Variants in KCNH5 observed in about 807,000 individuals in gnomAD.
The protein encoded by KCNH5 is voltage-gated delayed rectifier potassium channel KCNH5.
A neutral mutation model predicts 96.1 loss-of-function variants in KCNH5; 46 were observed. The ratio of observed to expected loss-of-function variants is 0.48; its 90% confidence interval spans 0.38 to 0.61. The LOEUF is 0.61. KCNH5 is among the 20% of genes least tolerant of loss of function. KCNH5 has a pLI of 0.00. For missense variants in KCNH5, 907 were observed against 1,225.8 expected, an observed-to-expected ratio of 0.74 and a Z score of 3.88; for synonymous variants, 439 against 449.8, an observed-to-expected ratio of 0.98 and a Z score of 0.30.
At chr14:62,731,508 T>C (rs995392363) in intron 10 of KCNH5, among the ~76,000 whole-genome samples, 1 of 152,206 alleles carries the variant, frequency 6.6e-6, no homozygotes, top group South Asian at 2.1e-4. Flanking sequence ...ACCTGGAATA[T>C]AGGTATATAA....
intron 9 of KCNH5, among the ~76,000 whole-genome samples, chr14:62,797,683 A>C (rs530992196): frequency 7.6e-4 from 115 of 152,022 alleles, no homozygotes; most frequent in Non-Finnish European, 1.2e-3. Context: ...GAGCAGTATA[A>C]GTTATAAATT....
intron 7 of KCNH5, among the ~76,000 whole-genome samples, chr14:62,892,162 T>C (rs1272381502): frequency 6.6e-6 from 1 of 152,198 alleles, no homozygotes; most frequent in Admixed American, 6.5e-5. Flanking sequence ...TAAGCCAAGT[T>C]GTGAATGCAA....
chr14:62,816,114 G>A (rs1886972648), intron 8 of KCNH5, among the ~76,000 whole-genome samples: 1 of 151,758 alleles, frequency 6.6e-6, no homozygotes, highest in Admixed American at 6.6e-5. Flanking sequence ...TTTAAATCAA[G>A]TATATATAAA....
intron 7 of KCNH5, among the ~76,000 whole-genome samples, chr14:62,858,339 G>C (rs1388784714): frequency 6.6e-6 from 1 of 152,178 alleles, no homozygotes; most frequent in African/African-American, 2.4e-5. Context: ...AGTCCTGCCT[G>C]GATTGGGTTG....
chr14:62,831,875 G>A (rs243153), intron 8 of KCNH5, among the ~76,000 whole-genome samples: 84,645 of 151,708 alleles, frequency 0.56, 23,982 homozygotes, highest in East Asian at 0.74. Context: ...TGTCTGGCTA[G>A]TTTTTTTTCT....
intron 2 of KCNH5, among the ~76,000 whole-genome samples, chr14:63,012,729 A>G (rs1891251093): frequency 6.6e-6 from 1 of 152,072 alleles, no homozygotes; most frequent in South Asian, 2.1e-4. Flanking sequence ...ACAATCAGAC[A>G]TGATGAATAG....
At chr14:62,730,582 A>C (rs1885027846) in intron 10 of KCNH5, among the ~76,000 whole-genome samples, 1 of 152,206 alleles carries the variant, frequency 6.6e-6, no homozygotes, top group Non-Finnish European at 1.5e-5. Flanking sequence ...GAAAAGAGAT[A>C]TCTCTCCAGA....
chr14:62,847,001 A>G (rs1336556546), intron 8 of KCNH5, among the ~76,000 whole-genome samples: 1 of 148,754 alleles, frequency 6.7e-6, no homozygotes, highest in Admixed American at 6.7e-5. Flanking sequence ...AGAGTTTCAC[A>G]GTGTTAGCCA....
At chr14:62,836,473 C>G (rs948555521) in intron 8 of KCNH5, among the ~76,000 whole-genome samples, 34 of 152,146 alleles carry the variant, frequency 2.2e-4, no homozygotes, top group Middle Eastern at 3.4e-3. Context: ...TATTATTTGG[C>G]TTCAGAGTAC....
intron 10 of KCNH5, among the ~76,000 whole-genome samples, chr14:62,717,991 C>T (rs528991956): frequency 6.6e-6 from 1 of 152,108 alleles, no homozygotes; most frequent in Non-Finnish European, 1.5e-5. Context: ...CAGCTAGAAG[C>T]CATTATCCTA....
rs1454050093 is a variant in KCNH5, at chr14:62,704,424, T to C, written c.*3084A>G. ...CTGGCTTTTGTGTGCCTATTTGCTT[T>C]TTATCATAATCTCTTCCATCTGCTA... is the stretch of plus-strand genomic sequence containing the variant. On this transcript the variant is annotated 3_prime_UTR_variant, in exon 11 of 11. Transcript: ENST00000322893. 6.6e-6 allele frequency: 1 copy of C among 152,032 alleles called. No homozygotes were observed. The highest frequency in any genetic ancestry group is 1.9e-4 in the East Asian group (1 of 5,182). 9.4% of individuals were successfully genotyped at this position (152,032 alleles called of 1,614,324 possible).
At chr14:62,774,583 T>C (rs1028945055) in intron 10 of KCNH5, among the ~76,000 whole-genome samples, 7 of 152,210 alleles carry the variant, frequency 4.6e-5, no homozygotes, top group African/African-American at 1.7e-4. Flanking sequence ...CCTTTTTATG[T>C]GTGTGTCAAA....
chr14:62,960,541 C>A (rs4086351), intron 6 of KCNH5, among the ~76,000 whole-genome samples: 3,481 of 152,170 alleles, frequency 0.023, 75 homozygotes, highest in African/African-American at 0.064. Flanking sequence ...CCATATCAGG[C>A]AACTGGATAG....
At chr14:62,991,369 T>C (rs991047108) in intron 4 of KCNH5, among the ~76,000 whole-genome samples, 3 of 151,910 alleles carry the variant, frequency 2.0e-5, no homozygotes, top group African/African-American at 7.2e-5. Flanking sequence ...AGGATTATAA[T>C]CTGCTTTCAG....
intron 7 of KCNH5, among the ~76,000 whole-genome samples, chr14:62,885,112 C>A (rs943356101): frequency 1.3e-5 from 2 of 152,132 alleles, no homozygotes; most frequent in Non-Finnish European, 2.9e-5. Flanking sequence ...TATGATATTT[C>A]TATGCTTGAT....
chr14:62,973,700 A>T (rs1566727031), intron 6 of KCNH5, among the ~76,000 whole-genome samples: 1 of 152,218 alleles, frequency 6.6e-6, no homozygotes. Flanking sequence ...GGCAGTATTT[A>T]TATGGATTTA....
At chr14:62,884,849 T>C (rs1052961589) in intron 7 of KCNH5, among the ~76,000 whole-genome samples, 1 of 152,236 alleles carries the variant, frequency 6.6e-6, no homozygotes, top group Non-Finnish European at 1.5e-5. Flanking sequence ...AATTTTCATT[T>C]GAATTCTGTA....
chr14:62,745,874 C>T (rs1173365875), intron 10 of KCNH5, among the ~76,000 whole-genome samples: 1 of 152,182 alleles, frequency 6.6e-6, no homozygotes, highest in Non-Finnish European at 1.5e-5. Context: ...ATAACAGTCA[C>T]ATTTTGATAT....
At chr14:62,775,777 C>T (rs1692377129) in intron 10 of KCNH5, among the ~76,000 whole-genome samples, 1 of 152,200 alleles carries the variant, frequency 6.6e-6, no homozygotes, top group Non-Finnish European at 1.5e-5. Flanking sequence ...CAACAATTAA[C>T]ACACTTAAGG....
Sources: gnomAD v4.1 joint callset for allele counts (sites outside exome capture counted in the v4.1 genomes callset) on GRCh38, gnomAD v4.1.1 for gene constraint, MANE v1.5 for transcripts, NCBI Gene and HGNC (gene_info 2026-07-23, HGNC 2026-07-21) for gene names.